IKZF1: variants seen among roughly 807,000 people sequenced by gnomAD.
The protein encoded by IKZF1 is IKAROS family zinc finger 1, also known as DNA-binding protein Ikaros.
A neutral mutation model predicts 51.7 loss-of-function variants in IKZF1; 10 were observed. The ratio of observed to expected loss-of-function variants is 0.19; its 90% CI spans 0.12 to 0.33. The LOEUF (loss-of-function observed/expected upper bound fraction) is 0.33, where lower values mean the gene tolerates loss of function less well. Ranked by LOEUF, IKZF1 falls within the 10% of genes least tolerant of loss-of-function variation. The probability of loss-of-function intolerance (pLI) is 1.00; values close to 1 mark genes in which losing one functional copy is unlikely to be tolerated. For missense variants in IKZF1, 484 were observed against 707.5 expected, an observed-to-expected ratio of 0.68 and a Z score of 3.58; for synonymous variants, 280 against 282.3, an observed-to-expected ratio of 0.99 and a Z score of 0.08.
intron 3 of IKZF1, among the ~76,000 whole-genome samples, chr7:50,333,589 A>G (rs905571271): frequency 1.3e-5 from 2 of 152,248 alleles, no homozygotes; most frequent in Non-Finnish European, 2.9e-5. Context: ...GCATCTGAGC[A>G]TTAGCTGCAG....
intron 3 of IKZF1, among the ~76,000 whole-genome samples, chr7:50,343,046 CCTTTTT>C (rs1215793036): frequency 6.6e-6 from 1 of 151,372 alleles, no homozygotes; most frequent in East Asian, 1.9e-4. Flanking sequence ...TTCCTTTCTT[CCTTTTT>C]CTTTTTAATT....
rs116746870 is a variant in IKZF1 at position 50,347,877 on chromosome 7, G to A, written c.160+20120G>A. ...GCTTCGTGAGAATAGGTATGCGGAC[G>A]GCTCTTTGTGACGCTCTGTGCAACC... On this transcript the variant is annotated intron_variant, in intron 3 of 7. Transcript: ENST00000331340. 3.1e-3 allele frequency among the ~76,000 whole-genome samples: 472 copies of A among 152,270 alleles called. 2 individuals carry two copies. The highest frequency in any genetic ancestry group is 0.01 in the African/African-American group (430 of 41,528).
intron 4 of IKZF1, among the ~76,000 whole-genome samples, chr7:50,379,451 C>T (rs968553489): frequency 4.6e-5 from 7 of 152,224 alleles, no homozygotes; most frequent in Non-Finnish European, 7.3e-5. Flanking sequence ...GGCACCAGCA[C>T]GTCACTTCCC....
In IKZF1 at chr7:50,380,917, G is replaced by C. The variant is rs1433306499; in HGVS notation, c.422-1623G>C. Among the ~76,000 whole-genome samples the C allele has an allele frequency of 2.6e-5, 4 of 152,270 alleles. No homozygotes were observed. In the East Asian group the frequency reaches 7.7e-4, roughly 29 times the overall value. The stretch of plus-strand genomic sequence containing the variant: ...GTTTGTAACTCAGACAGTATAGTTA[G>C]TTAGTTTGTTTCACCATCACCTTCC... On this transcript the variant is annotated intron_variant, in intron 4 of 7. Transcript: ENST00000331340.
At chr7:50,345,813 G>T (rs1800213184) in intron 3 of IKZF1, among the ~76,000 whole-genome samples, 1 of 152,204 alleles carries the variant, frequency 6.6e-6, no homozygotes, top group Non-Finnish European at 1.5e-5. Context: ...CGAGGCAGGA[G>T]GATCACTTGA....
At chr7:50,361,091 C>A (rs1287185833) in intron 3 of IKZF1, among the ~76,000 whole-genome samples, 2 of 152,246 alleles carry the variant, frequency 1.3e-5, no homozygotes, top group Non-Finnish European at 2.9e-5. Flanking sequence ...CTGCCACGAT[C>A]CCTGACAAGA....
At chr7:50,327,210 G>A (rs1157136475) in intron 2 of IKZF1, among the ~76,000 whole-genome samples, 1 of 151,972 alleles carries the variant, frequency 6.6e-6, no homozygotes, top group Non-Finnish European at 1.5e-5. Context: ...AAAGCAATGT[G>A]GACTCAAAAA....
In IKZF1 at chr7:50,344,678, T is replaced by C. The variant is rs1309380781; in HGVS notation, c.160+16921T>C. Among the ~76,000 whole-genome samples, 6 of 152,294 alleles carry C rather than the reference T, an allele frequency of 3.9e-5. No homozygotes were observed. In the East Asian group the frequency reaches 1.2e-3, roughly 29 times the overall value. ...CAGGCAGGTACTACATCTACTTGAA[T>C]TGCTTCACGATCACATAACACAATG... On this transcript the variant is annotated intron_variant, in intron 3 of 7. Transcript: ENST00000331340.
intron 3 of IKZF1, among the ~76,000 whole-genome samples, chr7:50,353,380 A>G (rs1802373225): frequency 6.6e-6 from 1 of 152,196 alleles, no homozygotes; most frequent in African/African-American, 2.4e-5. Flanking sequence ...ACCTCCTGCA[A>G]GGCCTGAGGT....
At chr7:50,310,745 A>T (rs1292079434) in intron 1 of IKZF1, among the ~76,000 whole-genome samples, 1 of 152,204 alleles carries the variant, frequency 6.6e-6, no homozygotes, top group Non-Finnish European at 1.5e-5. Context: ...TGCTAACAGG[A>T]TCCAGCTAAA....
At position 50,400,613 on chromosome 7, in the gene IKZF1, T is replaced by C. The variant is rs1272218369; in HGVS notation, c.1546T>C (p.Phe516Leu). 4 of 1,610,012 alleles carry C rather than the reference T, an allele frequency of 2.5e-6. No homozygotes were observed. Among genetic ancestry groups the C allele is most frequent in the Non-Finnish European group, 3.4e-6 (4 of 1,179,824 alleles). ...GCACATAACGCGAGGGGAGCACCGC[T>C]TCCACATGAGCTAAAGCCCTCCCGC... is the stretch of plus-strand genomic sequence containing the variant. Reference protein sequence around the residue: ...SSHITRGEHRFHMS With the variant: ...SSHITRGEHRLHMS The change falls in exon 8 of 8, where the codon TTC becomes CTC. Residue 516 changes from phenylalanine to leucine, a missense_variant. Coordinates refer to ENST00000331340, the MANE Select transcript of IKZF1 (RefSeq NM_006060.6). The surrounding 1 kb of genome is among the most constrained non-coding windows in gnomAD (Gnocchi z 5.4).
chr7:50,356,329 C>T (rs949345397), intron 3 of IKZF1, among the ~76,000 whole-genome samples: 7 of 152,306 alleles, frequency 4.6e-5, no homozygotes, highest in Non-Finnish European at 7.3e-5. Flanking sequence ...CTGGAGCCAG[C>T]GCACTTGGAT....
Position 50,391,930 on chromosome 7 carries a change from T to G in IKZF1, c.850+67T>G. ...TGGGTGTTTTAGATGCAAGTAGAAA[T>G]GAGTTGAGGGTGGAAGAAAGGGAAA... is the stretch of plus-strand genomic sequence containing the variant. On this transcript the variant is annotated intron_variant, in intron 7 of 7. Transcript: ENST00000331340. The G allele has an allele frequency of 2.0e-6, 3 of 1,537,632 alleles. No individual in the cohort carries two copies. In the East Asian group the frequency reaches 7.0e-5, roughly 36 times the overall value.
chr7:50,380,143 C>T (rs1811434853), intron 4 of IKZF1, among the ~76,000 whole-genome samples: 1 of 152,076 alleles, frequency 6.6e-6, no homozygotes, highest in African/African-American at 2.4e-5. Flanking sequence ...AGCTGTGGAC[C>T]CCTCCAAAGG....
intron 1 of IKZF1, among the ~76,000 whole-genome samples, chr7:50,314,729 GC>G (rs1403168485): frequency 9.2e-5 from 14 of 152,320 alleles, no homozygotes; most frequent in Admixed American, 9.2e-4. Context: ...CAGCTCAGAG[GC>G]CTGAGACCCG....
intron 2 of IKZF1, among the ~76,000 whole-genome samples, chr7:50,320,461 C>T (rs1314719441): frequency 1.3e-5 from 2 of 152,166 alleles, no homozygotes; most frequent in East Asian, 1.9e-4. Context: ...TTCCTTCTAG[C>T]TATTTGAAAC....
chr7:50,379,955 A>G (rs1041040631), intron 4 of IKZF1, among the ~76,000 whole-genome samples: 1 of 152,244 alleles, frequency 6.6e-6, no homozygotes, highest in Non-Finnish European at 1.5e-5. Context: ...TTTCAAATTC[A>G]TGACATCAAT....
rs1585047984 is a variant in IKZF1, at chr7:50,402,634, G to T, written c.*2007G>T. The stretch of plus-strand genomic sequence containing the variant: ...AGTATCAAGGCTGACTTGTGTTCAT[G>T]TGGAGTCATTATAAATTCTATAAAT... On this transcript the variant is annotated 3_prime_UTR_variant, in exon 8 of 8. Coordinates refer to ENST00000331340, the MANE Select transcript of IKZF1 (RefSeq NM_006060.6). 4.3e-6 allele frequency: 1 copy of T among 231,594 alleles called. No homozygotes were observed. The highest frequency in any genetic ancestry group is 6.1e-5 in the East Asian group (1 of 16,498). 14.3% of individuals were successfully genotyped at this position (231,594 alleles called of 1,614,324 possible).
intron 3 of IKZF1, among the ~76,000 whole-genome samples, chr7:50,373,851 C>A (rs79518684): frequency 0.016 from 2,382 of 152,250 alleles, 73 homozygotes; most frequent in African/African-American, 0.055. Flanking sequence ...GCCTCGACAG[C>A]CAGCCAGCCT....
Sources: allele counts gnomAD v4.1 joint callset (sites outside exome capture counted in the v4.1 genomes callset), GRCh38; gene constraint gnomAD v4.1.1; non-coding constraint Gnocchi (gnomAD v3.1); transcripts MANE v1.5; gene names NCBI Gene and HGNC (gene_info 2026-07-23, HGNC 2026-07-21).